DCUN1D2: variants seen among roughly 807,000 people sequenced by gnomAD.
DCUN1D2 encodes DCN1-like protein 2.
Under a neutral mutation model 30.9 loss-of-function variants are expected in DCUN1D2, and 29 were observed. The observed-to-expected ratio is 0.94, with a 90% confidence interval of 0.70 to 1.28. DCUN1D2 has a LOEUF of 1.28. Among genes scored for constraint, DCUN1D2 ranks in the 50% most tolerant of loss-of-function variants. The pLI is 0.00. For synonymous variants in DCUN1D2, 121 were observed against 115.3 expected (o/e 1.05, Z -0.32); for missense variants, 325 against 316.9 (o/e 1.03, Z -0.19).
rs548026810 is a variant in DCUN1D2, at chr13:113,465,989, G to A, written c.521-4853C>T. 9.6e-4 allele frequency among the ~76,000 whole-genome samples: 146 copies of A among 152,080 alleles called. 1 individual carries two copies. The highest frequency in any genetic ancestry group is 1.6e-3 in the Non-Finnish European group (108 of 67,988). ...CAACCTCCGCCTCCTGGGTTCAAGC[G>A]ATTCTTGTGCCTCAGCCTCCTGAGT... On this transcript the variant is annotated intron_variant, in intron 4 of 6. Coordinates refer to ENST00000478244, the MANE Select transcript of DCUN1D2 (RefSeq NM_001014283.2).
chr13:113,472,432 G>A (rs900992719), intron 4 of DCUN1D2, among the ~76,000 whole-genome samples: 1 of 152,220 alleles, frequency 6.6e-6, no homozygotes. Context: ...GTCTGGGGTA[G>A]AAGGTGACTG....
intron 6 of DCUN1D2, 100 bp downstream of exon 6, chr13:113,459,212 G>A (rs752228415): frequency 9.2e-5 from 65 of 707,242 alleles, no homozygotes; most frequent in Non-Finnish European, 1.4e-4. Context: ...TTATGACCAC[G>A]CCCATCTCAG....
chr13:113,489,134 G>C (rs1217187309), intron 1 of DCUN1D2: 30 of 985,420 alleles, frequency 3.0e-5, no homozygotes, highest in Non-Finnish European at 3.5e-5. Flanking sequence ...AACTACGTAA[G>C]TTTATGGATC....
At chr13:113,472,771 C>A (rs754761675) in intron 4 of DCUN1D2, among the ~76,000 whole-genome samples, 1 of 152,216 alleles carries the variant, frequency 6.6e-6, no homozygotes, top group Non-Finnish European at 1.5e-5. Flanking sequence ...CCGCATGCGG[C>A]AGGCTCCTGA....
chr13:113,489,023 G>T, intron 1 of DCUN1D2: 1 of 633,250 alleles, frequency 1.6e-6, no homozygotes, highest in Non-Finnish European at 2.0e-6. Context: ...ATATAATCTG[G>T]CACCAAGGAT....
intron 1 of DCUN1D2, chr13:113,489,048 T>C (rs1442638899): frequency 3.3e-6 from 3 of 907,990 alleles, no homozygotes; most frequent in South Asian, 5.1e-5. Flanking sequence ...ATATGTAAAA[T>C]GGAAAGAAAT....
chr13:113,489,828 C>T (rs1244823108), intron 1 of DCUN1D2, among the ~76,000 whole-genome samples: 4 of 152,026 alleles, frequency 2.6e-5, no homozygotes, highest in African/African-American at 9.7e-5. Context: ...GCATCTGACA[C>T]CACTCCCACA....
At chr13:113,476,914 C>A (rs2044626883) in intron 3 of DCUN1D2, among the ~76,000 whole-genome samples, 1 of 152,126 alleles carries the variant, frequency 6.6e-6, no homozygotes, top group East Asian at 1.9e-4. Context: ...CGTCTTTCTC[C>A]ACTGAAGTCT....
At chr13:113,469,958 A>T (rs1277344441) in intron 4 of DCUN1D2, among the ~76,000 whole-genome samples, 2 of 152,206 alleles carry the variant, frequency 1.3e-5, no homozygotes, top group African/African-American at 2.4e-5. Flanking sequence ...AAAACTTAGT[A>T]ATGAGGAAAT....
chr13:113,478,209 C>T (rs781650153), intron 3 of DCUN1D2, among the ~76,000 whole-genome samples: 1 of 152,196 alleles, frequency 6.6e-6, no homozygotes, highest in Non-Finnish European at 1.5e-5. Context: ...TTTTAAACTA[C>T]AGGCTCAAAT....
chr13:113,470,030 C>T (rs112072603), intron 4 of DCUN1D2, among the ~76,000 whole-genome samples: 15 of 152,244 alleles, frequency 9.9e-5, no homozygotes, highest in African/African-American at 3.1e-4. Context: ...AGAAGGCACA[C>T]GAGGGAGATA....
chr13:113,470,847 A>G (rs541106271), intron 4 of DCUN1D2, among the ~76,000 whole-genome samples: 30 of 149,812 alleles, frequency 2.0e-4, no homozygotes, highest in Admixed American at 4.6e-4. Context: ...ACCCAACTCC[A>G]CAGGGGACCC....
rs1335874536 is a variant in DCUN1D2 at position 113,490,132 on chromosome 13, C to A, written c.3+535G>T. Among the ~76,000 whole-genome samples, 2 of 152,206 alleles carry A rather than the reference C, an allele frequency of 1.3e-5. No individual in the cohort carries two copies. Among genetic ancestry groups the A allele is most frequent in the Non-Finnish European group, 2.9e-5 (2 of 68,034 alleles). On this transcript the variant is annotated intron_variant, in intron 1 of 6. Coordinates refer to ENST00000478244, the MANE Select transcript of DCUN1D2 (RefSeq NM_001014283.2). This position sits in a 1 kb window ranked among gnomAD's most constrained non-coding sequence, Gnocchi z 5.2. ...CTCTACCAGCTCCACAGATGCACAC[C>A]TACAGCCACGCTACAGCTCCCGGCT...
chr13:113,483,778 G>A, intron 2 of DCUN1D2, 62 bp downstream of exon 2: 6 of 1,519,716 alleles, frequency 3.9e-6, no homozygotes, highest in Non-Finnish European at 4.5e-6. Context: ...CCCTGGAAGT[G>A]CAGCGCGCAG....
chr13:113,470,166 A>G (rs1330646936), intron 4 of DCUN1D2, among the ~76,000 whole-genome samples: 4 of 152,202 alleles, frequency 2.6e-5, no homozygotes, highest in Non-Finnish European at 5.9e-5. Context: ...GTGTGTTTGG[A>G]TACACAAATC....
upstream of DCUN1D2, chr13:113,490,874 C>T (rs933428127): frequency 2.4e-5 from 7 of 296,986 alleles, no homozygotes; most frequent in Non-Finnish European, 4.0e-5. The surrounding 1 kb of genome is among the most constrained non-coding windows in gnomAD (Gnocchi z 5.2). Context: ...GTCCAGCCCT[C>T]TGCGAGGGCC....
At chr13:113,459,893 C>T (rs1038273650) in intron 5 of DCUN1D2, among the ~76,000 whole-genome samples, 3 of 152,190 alleles carry the variant, frequency 2.0e-5, no homozygotes, top group Non-Finnish European at 2.9e-5. Flanking sequence ...CGTGCTCCAT[C>T]GCACCAATAT....
chr13:113,458,395 G>C (rs2044261732), intron 6 of DCUN1D2, among the ~76,000 whole-genome samples: 1 of 152,296 alleles, frequency 6.6e-6, no homozygotes, highest in South Asian at 2.1e-4. Context: ...CAGCTGCTCA[G>C]GAAGGGAGCT....
In DCUN1D2 at chr13:113,467,309, T is replaced by A. The variant is rs1309772361; in HGVS notation, c.521-6173A>T. Among the ~76,000 whole-genome samples the A allele has an allele frequency of 2.0e-5, 3 of 152,230 alleles. No individual in the cohort carries two copies. The East Asian group carries it at 5.8e-4, about 29-fold the overall frequency. On this transcript the variant is annotated intron_variant, in intron 4 of 6. Coordinates refer to ENST00000478244, the MANE Select transcript of DCUN1D2 (RefSeq NM_001014283.2). The stretch of plus-strand genomic sequence containing the variant: ...CTCTGAGAAACATGATGTTACTATG[T>A]GCATTTTAAAAAATATAATACTTGC...
Sources: allele counts gnomAD v4.1 joint callset (sites outside exome capture counted in the v4.1 genomes callset), GRCh38; gene constraint gnomAD v4.1.1; non-coding constraint Gnocchi (gnomAD v3.1); transcripts MANE v1.5; gene names NCBI Gene and HGNC (gene_info 2026-07-23, HGNC 2026-07-21).